The following LAP3 variants were observed in gnomAD, a reference collection of about 807,000 sequenced individuals.
LAP3 encodes the protein cytosol aminopeptidase.
In LAP3, 46 loss-of-function variants were observed where a neutral mutation model predicts 58.8. That is an observed-to-expected ratio of 0.78 (90% CI 0.62 to 1.00). LAP3 has a LOEUF of 1.00. Among genes scored for constraint, LAP3 ranks in the 50% least tolerant of loss-of-function variants. LAP3 has a pLI of 0.00. For missense variants in LAP3, 615 were observed against 659.1 expected, an observed-to-expected ratio of 0.93 and a Z score of 0.73; for synonymous variants, 257 against 237.7, an observed-to-expected ratio of 1.08 and a Z score of -0.75.
intron 12 of LAP3, 50 bp from the exon 13 acceptor site, chr4:17,607,350 C>A: frequency 6.6e-7 from 1 of 1,522,274 alleles, no homozygotes; most frequent in South Asian, 1.2e-5. Flanking sequence ...TGTGGGATCT[C>A]AGTGCACATT....
At position 17,583,625 on chromosome 4, in the gene LAP3, G is replaced by A. The variant is rs763360217; in HGVS notation, c.522G>A (p.Ser174=). 8 of 1,613,872 alleles carry A rather than the reference G, an allele frequency of 5.0e-6. No homozygotes were observed. The highest frequency in any genetic ancestry group is 4.5e-5 in the East Asian group (2 of 44,878). ...AGCAAAAAAAGAAGATGGCTGTGTC[G>A]GCAAAGCTCTATGGAAGGTGATGGA... ...DLKQKKKMAV[S]AKLYGSGDQE... The change falls in exon 5 of 13, where the codon TCG becomes TCA. Residue 174 remains serine, a synonymous_variant. Coordinates refer to ENST00000226299, the MANE Select transcript of LAP3 (RefSeq NM_015907.3).
intron 3 of LAP3, 188 bp downstream of exon 3, chr4:17,582,002 A>G (rs775486254): frequency 8.3e-6 from 5 of 604,138 alleles, no homozygotes; most frequent in South Asian, 2.2e-5. Flanking sequence ...ATATTCCTCA[A>G]TCTGAAGGCT....
chr4:17,577,206 A>ATGCGGGCGCACACGAC lies in LAP3; in HGVS notation c.-245_-244insCTGCGGGCGCACACGA. 7 of 300,148 alleles carry ATGCGGGCGCACACGAC rather than the reference A, an allele frequency of 2.3e-5. 1 individual carries two copies. The highest frequency in any genetic ancestry group is 2.2e-5 in the Non-Finnish European group (4 of 178,900). The allele number at this position is 300,148 out of a possible 1,614,324, so 18.6% of individuals were successfully genotyped here. A position where few individuals can be genotyped will look rare whatever the true frequency, so the allele number is the denominator to read the frequency against. On this transcript the variant is annotated 5_prime_UTR_variant, in exon 1 of 13. It introduces an in-frame stop codon into an upstream open reading frame of the 5' UTR. Coordinates refer to ENST00000226299, the MANE Select transcript of LAP3 (RefSeq NM_015907.3). ...CGCCCGCATGCGCGGGCGCACACGA[A>ATGCGGGCGCACACGAC]TGCGGGCGCACACGAATGCGGGCGC...
chr4:17,607,540 C>G lies in LAP3; in HGVS notation c.1511C>G (p.Thr504Arg). Residue 504 changes from threonine (T) to arginine (R), a missense_variant, in exon 13 of 13, where the codon ACA becomes AGA. Thr to Arg is a moderately conservative substitution (Grantham distance 71, BLOSUM62 -1). Transcript: ENST00000226299. ...YLRKGMTGRP[T>R]RTLIEFLLRF... ...CGGAAAGGCATGACTGGGAGGCCCA[C>G]AAGGACTCTCATTGAGTTCTTACTT... 6.2e-6 allele frequency: 10 copies of G among 1,613,984 alleles called. No individual in the cohort carries two copies. Among genetic ancestry groups the G allele is most frequent in the Non-Finnish European group, 7.6e-6 (9 of 1,179,962 alleles).
At chr4:17,590,691 C>T (rs1421701263) in intron 7 of LAP3, among the ~76,000 whole-genome samples, 1 of 151,948 alleles carries the variant, frequency 6.6e-6, no homozygotes, top group Non-Finnish European at 1.5e-5. Flanking sequence ...CCTGCCTCAG[C>T]CTCCCGAGTA....
intron 10 of LAP3, among the ~76,000 whole-genome samples, chr4:17,603,474 A>G (rs913727579): frequency 6.6e-6 from 1 of 151,724 alleles, no homozygotes; most frequent in Non-Finnish European, 1.5e-5. Context: ...CCTGAGCAAC[A>G]TAATGAGACC....
chr4:17,577,519 C>T lies in LAP3; in HGVS notation c.54C>T (p.Ala18=). The T allele has an allele frequency of 2.5e-6, 4 of 1,586,808 alleles. No homozygotes were observed. The highest frequency in any genetic ancestry group is 1.3e-5 in the African/African-American group (1 of 74,166). The part of the protein sequence containing the change: ...AAGRVVVRRL[A]VRRFGSRSLS... ...GGCGAGTAGTCGTCCGACGTCTGGC[C>T]GTGAGACGTTTCGGGAGCCGGAGTC... is the stretch of plus-strand genomic sequence containing the variant. The change falls in exon 1 of 13, where the codon GCC becomes GCT. Residue 18 remains alanine (A), a synonymous_variant. Transcript: ENST00000226299.
chr4:17,593,368 T>C (rs1268271803), intron 7 of LAP3, among the ~76,000 whole-genome samples: 1 of 152,112 alleles, frequency 6.6e-6, no homozygotes, highest in Non-Finnish European at 1.5e-5. Context: ...TTGAAAAGAC[T>C]GTCCTTTCCC....
At chr4:17,594,825 T>G (rs1713788284) in intron 7 of LAP3, among the ~76,000 whole-genome samples, 1 of 152,172 alleles carries the variant, frequency 6.6e-6, no homozygotes, top group African/African-American at 2.4e-5. Flanking sequence ...TCATCAGCTT[T>G]TCTTAACAGC....
At chr4:17,598,957 C>T (rs1042550067) in intron 10 of LAP3, among the ~76,000 whole-genome samples, 1 of 151,892 alleles carries the variant, frequency 6.6e-6, no homozygotes, top group African/African-American at 2.4e-5. Flanking sequence ...AGGCTGGTTT[C>T]GAACTCCTGA....
intron 4 of LAP3, 181 bp downstream of exon 4, chr4:17,582,574 G>C (rs532136177): frequency 2.1e-4 from 118 of 561,876 alleles, no homozygotes; most frequent in African/African-American, 2.0e-3. Flanking sequence ...AAATACAGAA[G>C]GTTAGCTAAT....
chr4:17,601,586 G>T (rs149271513), intron 10 of LAP3, among the ~76,000 whole-genome samples: 7 of 152,054 alleles, frequency 4.6e-5, no homozygotes, highest in Non-Finnish European at 8.8e-5. Flanking sequence ...CTCAGTATGC[G>T]TGGGGGATAG....
chr4:17,582,488 T>A, intron 4 of LAP3, 95 bp downstream of exon 4: 1 of 861,056 alleles, frequency 1.2e-6, no homozygotes, highest in Non-Finnish European at 1.9e-6. Flanking sequence ...TTGCCACCCC[T>A]TACCACGTTC....
intron 6 of LAP3, chr4:17,587,729 T>C (rs1713564434): frequency 6.6e-6 from 1 of 152,200 alleles, no homozygotes; most frequent in Non-Finnish European, 1.5e-5. Context: ...AACTAAGGAC[T>C]GTTTCCATTC....
chr4:17,601,114 T>C (rs901929130), intron 10 of LAP3, among the ~76,000 whole-genome samples: 3 of 152,216 alleles, frequency 2.0e-5, no homozygotes, highest in African/African-American at 7.2e-5. Flanking sequence ...AATTTAGGAT[T>C]GAATGAGTGT....
At chr4:17,587,221 G>GA (rs1459573058) in intron 6 of LAP3, among the ~76,000 whole-genome samples, 1 of 152,204 alleles carries the variant, frequency 6.6e-6, no homozygotes, top group Non-Finnish European at 1.5e-5. Flanking sequence ...CGAGCAAAGG[G>GA]AAAAGAGTTC....
chr4:17,583,933 C>T (rs1176093165), intron 5 of LAP3, among the ~76,000 whole-genome samples: 4 of 152,250 alleles, frequency 2.6e-5, no homozygotes, highest in Admixed American at 1.3e-4. Context: ...ACATGACAGA[C>T]ATATCCCACA....
At chr4:17,594,779 G>A (rs760126688) in intron 7 of LAP3, among the ~76,000 whole-genome samples, 2 of 152,130 alleles carry the variant, frequency 1.3e-5, no homozygotes, top group African/African-American at 2.4e-5. Context: ...CTGTCCTGTC[G>A]GTTTCAGAGA....
At chr4:17,598,087 C>T (rs1713877703) in intron 9 of LAP3, among the ~76,000 whole-genome samples, 2 of 152,144 alleles carry the variant, frequency 1.3e-5, no homozygotes, top group African/African-American at 2.4e-5. Context: ...ATGGACTAGA[C>T]ATTTTTCTAT....
Sources: allele counts gnomAD v4.1 joint callset (sites outside exome capture counted in the v4.1 genomes callset), GRCh38; gene constraint gnomAD v4.1.1; transcripts MANE v1.5; gene names NCBI Gene and HGNC (gene_info 2026-07-23, HGNC 2026-07-21).